CUL1: variants seen among roughly 807,000 people sequenced by gnomAD.
CUL1 encodes cullin-1.
Under a neutral mutation model 118.0 loss-of-function variants are expected in CUL1, and 24 were observed. That is an observed-to-expected ratio of 0.20 (90% CI 0.15 to 0.29). The LOEUF is 0.29. Among genes scored for constraint, CUL1 ranks in the 10% least tolerant of loss-of-function variants. The pLI is 1.00. For synonymous variants in CUL1, 332 were observed against 340.4 expected, an observed-to-expected ratio of 0.98 and a Z score of 0.27; for missense variants, 361 against 933.8, an observed-to-expected ratio of 0.39 and a Z score of 7.99.
At chr7:148,739,644 G>C (rs1269377405) in intron 2 of CUL1, among the ~76,000 whole-genome samples, 4 of 152,172 alleles carry the variant, frequency 2.6e-5, no homozygotes, top group Non-Finnish European at 5.9e-5. Context: ...TGTTTTGTCA[G>C]ATATATTTTG....
chr7:148,732,489 G>C (rs1392900241), intron 2 of CUL1, among the ~76,000 whole-genome samples: 1 of 151,052 alleles, frequency 6.6e-6, no homozygotes, highest in African/African-American at 2.4e-5. Context: ...CCACAGGCAC[G>C]CACCATCATG....
intron 7 of CUL1, among the ~76,000 whole-genome samples, chr7:148,761,351 T>TA (rs1209173031): frequency 1.3e-5 from 2 of 152,000 alleles, no homozygotes; most frequent in East Asian, 3.9e-4. Context: ...CTACTAAAAA[T>TA]ACAAAAAAAT....
intron 9 of CUL1, among the ~76,000 whole-genome samples, chr7:148,777,097 T>C (rs1397089553): frequency 6.6e-6 from 1 of 152,192 alleles, no homozygotes; most frequent in Non-Finnish European, 1.5e-5. Context: ...AACAAGGACT[T>C]CAGCCTCACC....
At chr7:148,767,854 C>T (rs1800057295) in intron 9 of CUL1, 105 bp downstream of exon 9, 2 of 1,112,068 alleles carry the variant, frequency 1.8e-6, no homozygotes, top group African/African-American at 1.6e-5. Context: ...GTACCATTTT[C>T]ATTAGAACTC....
chr7:148,715,198 T>C (rs1563147944), intron 1 of CUL1, among the ~76,000 whole-genome samples: 1 of 152,200 alleles, frequency 6.6e-6, no homozygotes, highest in Non-Finnish European at 1.5e-5. Flanking sequence ...TCACGTTCTC[T>C]GAGTCAGTCC....
At chr7:148,764,021 A>G (rs1019371211) in intron 7 of CUL1, among the ~76,000 whole-genome samples, 1 of 152,186 alleles carries the variant, frequency 6.6e-6, no homozygotes, top group Admixed American at 6.5e-5. Flanking sequence ...TTTCTAAAAG[A>G]TTTGACTGTC....
At chr7:148,743,567 G>A (rs542007568) in intron 2 of CUL1, among the ~76,000 whole-genome samples, 1 of 152,196 alleles carries the variant, frequency 6.6e-6, no homozygotes, top group South Asian at 2.1e-4. Flanking sequence ...CTTATCCTAT[G>A]ATTGTGAAAT....
In CUL1 at chr7:148,767,602, G is replaced by T; in HGVS notation, c.953-17G>T. The T allele has an allele frequency of 6.2e-7, 1 of 1,612,778 alleles. No individual in the cohort carries two copies. Among genetic ancestry groups the T allele is most frequent in the Non-Finnish European group, 8.5e-7 (1 of 1,179,566 alleles). On this transcript the variant is annotated splice_polypyrimidine_tract_variant and intron_variant, in intron 8 of 21. Transcript: ENST00000325222. ...AAATTTTTTTCAGTGCATAAAAGGG[G>T]TTTCTTCCTCTTTCAGATTTGGGAC...
intron 12 of CUL1, 116 bp from the exon 13 acceptor site, chr7:148,786,873 C>T (rs905131646): frequency 4.3e-6 from 6 of 1,401,626 alleles, no homozygotes; most frequent in Admixed American, 2.1e-5. Flanking sequence ...GGCGTACAGA[C>T]CTGCCCAAAG....
chr7:148,756,708 C>T (rs1021557386), intron 3 of CUL1, among the ~76,000 whole-genome samples: 3 of 152,110 alleles, frequency 2.0e-5, no homozygotes, highest in South Asian at 2.1e-4. Context: ...AGGAATTACC[C>T]GCATATCAAA....
At chr7:148,788,022 G>C (rs1800876949) in intron 13 of CUL1, among the ~76,000 whole-genome samples, 1 of 152,108 alleles carries the variant, frequency 6.6e-6, no homozygotes, top group African/African-American at 2.4e-5. Flanking sequence ...CAGCTGATTC[G>C]GTTCCTGGTG....
At chr7:148,719,171 C>T (rs1002423435) in intron 1 of CUL1, among the ~76,000 whole-genome samples, 7 of 152,154 alleles carry the variant, frequency 4.6e-5, no homozygotes, top group African/African-American at 1.7e-4. Flanking sequence ...ATTAGCCAGG[C>T]GCGGTGGCGG....
Position 148,767,632 on chromosome 7 carries a change from GTATAATCTTGTATC to G in CUL1, c.969_982del (p.Tyr323Ter). 1 of 1,613,746 alleles carries G rather than the reference GTATAATCTTGTATC, an allele frequency of 6.2e-7. No homozygotes were observed. The highest frequency in any genetic ancestry group is 8.5e-7 in the Non-Finnish European group (1 of 1,179,898). The stretch of plus-strand genomic sequence containing the variant: ...TTCCTCTTTCAGATTTGGGACGCAT[GTATAATCTTGTATC>G]TAGAATCCAGGATGGCCTAGGAGAA... On this transcript the variant is annotated frameshift_variant, in exon 9 of 22. Coordinates refer to ENST00000325222, the MANE Select transcript of CUL1 (RefSeq NM_003592.3). LOFTEE classifies it high-confidence loss of function.
At chr7:148,732,328 T>C (rs1180439933) in intron 2 of CUL1, among the ~76,000 whole-genome samples, 1 of 151,610 alleles carries the variant, frequency 6.6e-6, no homozygotes, top group Non-Finnish European at 1.5e-5. Flanking sequence ...GTAATTAATA[T>C]GCCTTGTAAG....
chr7:148,752,880 C>T (rs1223025414), intron 2 of CUL1, among the ~76,000 whole-genome samples: 1 of 152,208 alleles, frequency 6.6e-6, no homozygotes, highest in Non-Finnish European at 1.5e-5. Context: ...TCTCAATCTC[C>T]TGACCTTGTG....
chr7:148,795,769 C>CAA (rs915978562), intron 17 of CUL1, among the ~76,000 whole-genome samples: 51 of 56,058 alleles, frequency 9.1e-4, no homozygotes, highest in African/African-American at 2.9e-3. Flanking sequence ...GACTCTGTCT[C>CAA]AAAAAAAAAA....
At chr7:148,706,432 T>A (rs1797885265) in intron 1 of CUL1, among the ~76,000 whole-genome samples, 1 of 152,118 alleles carries the variant, frequency 6.6e-6, no homozygotes, top group South Asian at 2.1e-4. Context: ...AGCATGGGAA[T>A]ATATTACATC....
At chr7:148,799,904 A>G (rs1217024720) in intron 21 of CUL1, among the ~76,000 whole-genome samples, 1 of 152,052 alleles carries the variant, frequency 6.6e-6, no homozygotes, top group East Asian at 1.9e-4. Flanking sequence ...ACCTTCCTTT[A>G]TGTAGCCTAC....
At chr7:148,734,825 G>C (rs1259080505) in intron 2 of CUL1, among the ~76,000 whole-genome samples, 1 of 152,276 alleles carries the variant, frequency 6.6e-6, no homozygotes, top group African/African-American at 2.4e-5. Flanking sequence ...CTGGGCTCCA[G>C]ACCTACCTGT....
Sources: gnomAD v4.1 joint callset for allele counts (sites outside exome capture counted in the v4.1 genomes callset) on GRCh38, gnomAD v4.1.1 for gene constraint, MANE v1.5 for transcripts, NCBI Gene and HGNC (gene_info 2026-07-23, HGNC 2026-07-21) for gene names.